The following ELP6 variants were observed in gnomAD, a reference collection of about 807,000 sequenced individuals.
The protein encoded by ELP6 is elongator acetyltransferase complex subunit 6.
A neutral mutation model predicts 28.1 loss-of-function variants in ELP6; 23 were observed. The observed-to-expected ratio is 0.82, with a 90% confidence interval of 0.59 to 1.16. The LOEUF (loss-of-function observed/expected upper bound fraction) is 1.16, where lower values mean the gene tolerates loss of function less well. Among genes scored for constraint, ELP6 ranks in the 50% most tolerant of loss-of-function variants. The pLI is 0.00. For missense variants in ELP6, 313 were observed against 334.6 expected (o/e 0.94, Z 0.50); for synonymous variants, 132 against 135.8 (o/e 0.97, Z 0.19).
At chr3:47,505,819 G>A (rs890433794) in intron 3 of ELP6, among the ~76,000 whole-genome samples, 4 of 152,112 alleles carry the variant, frequency 2.6e-5, no homozygotes, top group African/African-American at 4.8e-5. Flanking sequence ...TGATCCACCC[G>A]CCTTGGCCTC....
chr3:47,512,912 C>T (rs1481751787), intron 1 of ELP6: 1 of 985,636 alleles, frequency 1.0e-6, no homozygotes, highest in Non-Finnish European at 1.2e-6. Context: ...ACCCCCCACC[C>T]CAGTGAACAT....
intron 5 of ELP6, chr3:47,499,628 G>C: frequency 2.1e-6 from 1 of 476,404 alleles, no homozygotes; most frequent in Non-Finnish European, 2.7e-6. Flanking sequence ...AGGTTGCAGT[G>C]AGCCAAGGTC....
chr3:47,503,276 G>T (rs897416281), intron 4 of ELP6: 79 of 1,274,524 alleles, frequency 6.2e-5, no homozygotes, highest in Non-Finnish European at 8.0e-5. Flanking sequence ...ATAAGGCAGT[G>T]GGGGAAGTTC....
At position 47,511,209 on chromosome 3, in the gene ELP6, G is replaced by A; in HGVS notation, c.72C>T (p.Leu24=). ...DRAEQGKLTL[L]CDAKTDGSFL... Reference sequence around the variant, plus strand: ...AACTCCCATCTGTCTTGGCATCACAGAGTAGAGTCAGTTTCCCCTAAAAGT... The same window carrying A: ...AACTCCCATCTGTCTTGGCATCACAAAGTAGAGTCAGTTTCCCCTAAAAGT... The change falls in exon 2 of 7, where the codon CTC becomes CTT. Residue 24 remains leucine (L), a synonymous_variant. Transcript: ENST00000296149. 6.2e-7 allele frequency: 1 copy of A among 1,614,098 alleles called. No homozygotes were observed. Among genetic ancestry groups the A allele is most frequent in the Non-Finnish European group, 8.5e-7 (1 of 1,180,002 alleles).
At chr3:47,504,257 C>T in intron 4 of ELP6, 73 bp downstream of exon 4, 1 of 1,495,626 alleles carries the variant, frequency 6.7e-7, no homozygotes, top group Non-Finnish European at 8.9e-7. Context: ...GAAGGAATCA[C>T]ACAGCAACCA....
At chr3:47,504,549 A>G in intron 3 of ELP6, 101 bp from the exon 4 acceptor site, 2 of 1,420,528 alleles carry the variant, frequency 1.4e-6, no homozygotes, top group South Asian at 3.2e-5. Context: ...CAAACTTGGC[A>G]GAAGTGTATC....
rs1237254113 is a variant in ELP6, at chr3:47,498,544, C to T, written c.526-112G>A. 2.6e-6 allele frequency: 4 copies of T among 1,534,464 alleles called. No individual in the cohort carries two copies. The Admixed American group carries it at 5.4e-5, about 21-fold the overall frequency. ...CCCTGTACATCCTCTCACAGATCACCCTCCCTGCTGCTGCTACAGCCAGCC... is the reference window on the plus strand; with the variant it reads ...CCCTGTACATCCTCTCACAGATCACTCTCCCTGCTGCTGCTACAGCCAGCC... On this transcript the variant is annotated intron_variant, in intron 5 of 6. Transcript: ENST00000296149.
chr3:47,498,218 TC>T (rs1193276321), intron 6 of ELP6, 67 bp downstream of exon 6: 25 of 1,584,650 alleles, frequency 1.6e-5, no homozygotes, highest in Non-Finnish European at 2.0e-5. Context: ...GGCCTGACTC[TC>T]CCCTATGTAG....
In ELP6 at chr3:47,498,385, C is replaced by T; in HGVS notation, c.573G>A (p.Glu191=). The T allele has an allele frequency of 6.2e-7, 1 of 1,613,676 alleles. No homozygotes were observed. The highest frequency in any genetic ancestry group is 8.5e-7 in the Non-Finnish European group (1 of 1,180,038). Residue 191 remains glutamate (E), a synonymous_variant, in exon 6 of 7, where the codon GAG becomes GAA. Coordinates refer to ENST00000296149, the MANE Select transcript of ELP6 (RefSeq NM_001031703.3). ...GGCCATTCAGCAGGATGTCATTCTC[C>T]TCATCCTCCGCATCTCCACTGTCGT... ...LVHDSGDAED[E]ENDILLNGLS...
chr3:47,503,578 T>A (rs1708731519), intron 4 of ELP6: 4 of 475,032 alleles, frequency 8.4e-6, no homozygotes, highest in Non-Finnish European at 1.3e-5. Flanking sequence ...TGTATTCCAA[T>A]AAAATTTTAC....
intron 3 of ELP6, among the ~76,000 whole-genome samples, chr3:47,506,553 C>T (rs906168830): frequency 1.2e-4 from 18 of 152,298 alleles, no homozygotes; most frequent in African/African-American, 3.8e-4. Context: ...AAGAATTCAG[C>T]GATATTTCTC....
intron 1 of ELP6, chr3:47,511,969 G>A (rs1043061680): frequency 2.0e-6 from 2 of 982,512 alleles, no homozygotes. Context: ...AGATCACATC[G>A]TCAGACCTTC....
At position 47,495,965 on chromosome 3, in the gene ELP6, G is replaced by A; in HGVS notation, c.*104C>T. On this transcript the variant is annotated 3_prime_UTR_variant, in exon 7 of 7. Transcript: ENST00000296149. ...TGGTCACAGTGGAGTCGCCGGTCCA[G>A]CCTGAAATATTACTACAGAGGAGAA... 2 of 1,587,964 alleles carry A rather than the reference G, an allele frequency of 1.3e-6. No individual in the cohort carries two copies. Among genetic ancestry groups the A allele is most frequent in the Non-Finnish European group, 1.7e-6 (2 of 1,168,188 alleles).
At chr3:47,513,316 C>G in intron 1 of ELP6, 1 of 1,373,966 alleles carries the variant, frequency 7.3e-7, no homozygotes, top group Non-Finnish European at 9.3e-7. Context: ...TTTAAGGACA[C>G]GCACAGCCGT....
Position 47,513,532 on chromosome 3 carries a change from CTTA to C in ELP6, c.54+2_54+4del, listed in dbSNP as rs776095237. ...CGCCCCCTTCCGGCCAGCGGGACCTCTTACCTGCTCCGCCCTGTCGGGGGTGGT... is the reference window on the plus strand; with the variant it reads ...CGCCCCCTTCCGGCCAGCGGGACCTCCCTGCTCCGCCCTGTCGGGGGTGGT... On this transcript the variant is annotated splice_donor_variant and splice_donor_region_variant and intron_variant, in intron 1 of 6. Transcript: ENST00000296149. LOFTEE classifies it high-confidence loss of function. 90 of 1,612,462 alleles carry C rather than the reference CTTA, an allele frequency of 5.6e-5. No individual in the cohort carries two copies. The highest frequency in any genetic ancestry group is 7.3e-5 in the Non-Finnish European group (86 of 1,179,398).
At chr3:47,512,225 T>A in intron 1 of ELP6, 1 of 212,782 alleles carries the variant, frequency 4.7e-6, no homozygotes, top group Non-Finnish European at 8.1e-6. Flanking sequence ...ACCATTTCAT[T>A]AGGAAGACAA....
At chr3:47,505,339 A>G (rs1256211974) in intron 3 of ELP6, among the ~76,000 whole-genome samples, 1 of 152,136 alleles carries the variant, frequency 6.6e-6, no homozygotes. Context: ...TAGTATGCCT[A>G]TCCCTGCTCA....
At chr3:47,501,891 C>T (rs1303087743) in intron 4 of ELP6, 40 bp from the exon 5 acceptor site, 2 of 1,576,300 alleles carry the variant, frequency 1.3e-6, no homozygotes, top group Non-Finnish European at 8.6e-7. Flanking sequence ...TTCACTCTCT[C>T]TACAGATGTT....
In ELP6 at chr3:47,500,001, G is replaced by A. The variant is rs537753088; in HGVS notation, c.526-1569C>T. On this transcript the variant is annotated intron_variant, in intron 5 of 6. Transcript: ENST00000296149. ...AAGCTGCTGCTTCAGACACACTGGC[G>A]GGTAAATATGTGGCTAGCTGGAGGC... 40 of 1,316,338 alleles carry A rather than the reference G, an allele frequency of 3.0e-5. No homozygotes were observed. In the South Asian group the frequency reaches 4.3e-4, roughly 14 times the overall value. The allele number at this position is 1,316,338 out of a possible 1,614,324, so 81.5% of individuals were successfully genotyped here. A position where few individuals can be genotyped will look rare whatever the true frequency, so the allele number is the denominator to read the frequency against.
Sources: gnomAD v4.1 joint callset for allele counts (sites outside exome capture counted in the v4.1 genomes callset) on GRCh38, gnomAD v4.1.1 for gene constraint, MANE v1.5 for transcripts, NCBI Gene and HGNC (gene_info 2026-07-23, HGNC 2026-07-21) for gene names.